Variants in CCDC178 observed in about 807,000 individuals in gnomAD.
CCDC178 encodes coiled-coil domain-containing protein 178.
Under a neutral mutation model 117.4 loss-of-function variants are expected in CCDC178, and 126 were observed. The observed-to-expected ratio is 1.07, with a 90% CI of 0.93 to 1.24. The LOEUF (loss-of-function observed/expected upper bound fraction) is 1.24. CCDC178 is among the 50% of genes most tolerant of loss of function. The pLI, the probability that CCDC178 is intolerant of heterozygous loss-of-function variation, is 0.00. For synonymous variants in CCDC178, 283 were observed against 313.4 expected, an observed-to-expected ratio of 0.90 and a Z score of 1.02; for missense variants, 1,030 against 986.9, an observed-to-expected ratio of 1.04 and a Z score of -0.59.
intron 6 of CCDC178, among the ~76,000 whole-genome samples, chr18:33,369,703 C>T (rs2063269726): frequency 2.0e-5 from 3 of 151,818 alleles, no homozygotes. Context: ...CTTTTATACA[C>T]CAATTTAATC....
intron 10 of CCDC178, among the ~76,000 whole-genome samples, chr18:33,330,899 C>CA (rs1421056037): frequency 1.3e-5 from 2 of 151,780 alleles, no homozygotes; most frequent in Non-Finnish European, 2.9e-5. Context: ...GAATCTCGTC[C>CA]AAAAAATGTA....
intron 2 of CCDC178, 112 bp downstream of exon 2, chr18:33,439,850 T>TGTCA (rs2064353891): frequency 6.6e-6 from 1 of 152,190 alleles, no homozygotes; most frequent in Non-Finnish European, 1.5e-5. Flanking sequence ...AAAACAATAA[T>TGTCA]AGAAAATGCT....
chr18:33,096,780 AG>A (rs2057549678), intron 20 of CCDC178, among the ~76,000 whole-genome samples: 1 of 152,038 alleles, frequency 6.6e-6, no homozygotes, highest in South Asian at 2.1e-4. Flanking sequence ...CTCTAGTATT[AG>A]TTATACTGTG....
intron 11 of CCDC178, among the ~76,000 whole-genome samples, chr18:33,313,702 C>A: frequency 6.6e-6 from 1 of 152,182 alleles, no homozygotes. Context: ...ACTTGCCCCA[C>A]TTGCTATGTT....
chr18:33,323,649 T>A lies in CCDC178; in HGVS notation c.880-16A>T. On this transcript the variant is annotated splice_polypyrimidine_tract_variant and intron_variant, in intron 10 of 22. Transcript: ENST00000383096. ...GGTCCATTACCTAGAAATGAAAATA[T>A]TTTTGCTTATATTTGCACTTAATGG... 1.4e-6 allele frequency: 2 copies of A among 1,432,264 alleles called. No homozygotes were observed. Among genetic ancestry groups the A allele is most frequent in the Non-Finnish European group, 1.8e-6 (2 of 1,083,648 alleles). 88.7% of individuals were successfully genotyped at this position (1,432,264 alleles called of 1,614,324 possible).
intron 11 of CCDC178, among the ~76,000 whole-genome samples, chr18:33,294,828 G>A (rs987789434): frequency 6.6e-6 from 1 of 152,124 alleles, no homozygotes; most frequent in African/African-American, 2.4e-5. Flanking sequence ...CCTGAGTGAT[G>A]GACAATTGCC....
At chr18:33,096,443 T>C (rs2057546027) in intron 20 of CCDC178, among the ~76,000 whole-genome samples, 2 of 150,632 alleles carry the variant, frequency 1.3e-5, no homozygotes, top group African/African-American at 4.8e-5. Context: ...CTTTGTGATA[T>C]ACAGCAAGGA....
chr18:32,951,786 C>CTATGAGCCTGTAAA (rs1362242947), intron 22 of CCDC178, among the ~76,000 whole-genome samples: 1 of 152,150 alleles, frequency 6.6e-6, no homozygotes, highest in Non-Finnish European at 1.5e-5. Flanking sequence ...TCCTTTTGAC[C>CTATGAGCCTGTAAA]TATGAGCCTG....
At chr18:33,233,672 A>G (rs938257853) in intron 15 of CCDC178, among the ~76,000 whole-genome samples, 2 of 151,934 alleles carry the variant, frequency 1.3e-5, no homozygotes, top group African/African-American at 2.4e-5. Context: ...AGAATTTATT[A>G]TTTGTCAGGC....
intron 21 of CCDC178, among the ~76,000 whole-genome samples, chr18:33,082,409 T>C (rs2057312454): frequency 6.6e-6 from 1 of 152,034 alleles, no homozygotes; most frequent in South Asian, 2.1e-4. Context: ...GAGGCAGAGG[T>C]TGCAGTGAGC....
chr18:32,967,654 C>G (rs1284001200), intron 22 of CCDC178, among the ~76,000 whole-genome samples: 1 of 151,452 alleles, frequency 6.6e-6, no homozygotes, highest in East Asian at 1.9e-4. Context: ...ATGCATTTAG[C>G]CTTACTTTAT....
intron 20 of CCDC178, among the ~76,000 whole-genome samples, chr18:33,202,480 CT>C (rs1235433085): frequency 1.5e-5 from 2 of 135,960 alleles, no homozygotes; most frequent in Non-Finnish European, 3.1e-5. Flanking sequence ...GTCAAAAGTT[CT>C]TTGTACTGAA....
intron 11 of CCDC178, chr18:33,323,095 G>A (rs1486282585): frequency 1.3e-5 from 2 of 151,776 alleles, no homozygotes; most frequent in Non-Finnish European, 2.9e-5. Context: ...ATAAATTCAA[G>A]TTGAAATATT....
chr18:32,945,016 A>T (rs1289584672), intron 22 of CCDC178, among the ~76,000 whole-genome samples: 1 of 152,190 alleles, frequency 6.6e-6, no homozygotes, highest in African/African-American at 2.4e-5. Context: ...CTTTATCAGC[A>T]GCATGAAAAC....
chr18:33,029,031 T>C (rs186808303), intron 21 of CCDC178, among the ~76,000 whole-genome samples: 6 of 152,034 alleles, frequency 3.9e-5, no homozygotes, highest in Admixed American at 1.3e-4. Flanking sequence ...ACTCATCCCA[T>C]AGAACGAGTT....
At chr18:33,367,547 T>C (rs2063228735) in intron 6 of CCDC178, among the ~76,000 whole-genome samples, 2 of 152,058 alleles carry the variant, frequency 1.3e-5, no homozygotes, top group Non-Finnish European at 2.9e-5. Context: ...TTGGTAATAT[T>C]ATCACTTTTT....
chr18:33,258,506 C>T (rs2059706243), intron 14 of CCDC178, among the ~76,000 whole-genome samples: 1 of 152,162 alleles, frequency 6.6e-6, no homozygotes, highest in African/African-American at 2.4e-5. Context: ...CCTGGCCTGT[C>T]ATTCTCTACC....
intron 12 of CCDC178, among the ~76,000 whole-genome samples, chr18:33,278,746 G>C (rs1307744457): frequency 6.6e-6 from 1 of 152,014 alleles, no homozygotes; most frequent in Non-Finnish European, 1.5e-5. Context: ...AAATCTGCTG[G>C]ACAATATGGA....
chr18:33,324,736 G>A (rs2062562248), intron 10 of CCDC178, among the ~76,000 whole-genome samples: 1 of 147,234 alleles, frequency 6.8e-6, no homozygotes, highest in African/African-American at 2.5e-5. Flanking sequence ...GATATATTAT[G>A]TGTCTACATT....
Sources: gnomAD v4.1 joint callset for allele counts (sites outside exome capture counted in the v4.1 genomes callset) on GRCh38, gnomAD v4.1.1 for gene constraint, MANE v1.5 for transcripts, NCBI Gene and HGNC (gene_info 2026-07-23, HGNC 2026-07-21) for gene names.